NID2: variants seen among roughly 807,000 people sequenced by gnomAD.
NID2 encodes the protein nidogen-2.
Under a neutral mutation model 145.4 loss-of-function variants are expected in NID2, and 83 were observed. That is an observed-to-expected ratio of 0.57 (90% CI 0.48 to 0.69). The LOEUF is 0.69. NID2 is among the 30% of genes least tolerant of loss of function. The pLI, the probability that NID2 is intolerant of heterozygous loss-of-function variation, is 0.00. For synonymous variants in NID2, 739 were observed against 701.3 expected (o/e 1.05, Z -0.85); for missense variants, 1,807 against 1,765.7 (o/e 1.02, Z -0.42).
rs759841706 is a variant in NID2, at chr14:52,038,798, C to T, written c.2206G>A (p.Glu736Lys). The T allele has an allele frequency of 5.6e-6, 9 of 1,610,038 alleles. No homozygotes were observed. The highest frequency in any genetic ancestry group is 4.0e-5 in the African/African-American group (3 of 74,720). Residue 736 changes from glutamate (E) to lysine (K), a missense_variant, in exon 9 of 22, where the codon GAA (glutamate) becomes AAA (lysine). Transcript: ENST00000216286. ...VDRVFALYND[E>K]ERVLRFAVTN... The stretch of plus-strand genomic sequence containing the variant: ...ACAGCAAATCTAAGCACTCTTTCTT[C>T]GTCATTATACAAGGCAAAGACCCGG...
intron 5 of NID2, among the ~76,000 whole-genome samples, chr14:52,043,514 A>G (rs1202982512): frequency 6.6e-6 from 1 of 152,204 alleles, no homozygotes; most frequent in African/African-American, 2.4e-5. Context: ...ACAGGGATTC[A>G]AGCTATTAAA....
At chr14:52,007,991 T>C (rs755053715) in intron 18 of NID2, 24 bp from the exon 19 acceptor site, 1 of 1,587,792 alleles carries the variant, frequency 6.3e-7, no homozygotes, top group East Asian at 2.2e-5. Context: ...ATCAAGATTG[T>C]AAAAGAATAG....
In NID2 at chr14:52,053,856, C is replaced by T. The variant is rs1892760010; in HGVS notation, c.1152G>A (p.Glu384=). 1 of 1,614,166 alleles carries T rather than the reference C, an allele frequency of 6.2e-7. No homozygotes were observed. Among genetic ancestry groups the T allele is most frequent in the Admixed American group, 1.7e-5 (1 of 60,022 alleles). ...TTCTGGTCTCTCTCTCATCCCAGGG[C>T]TCAACTTGGCCTTTTAAATCTGGGC... ...VGGPDLKGQV[E]PWDERETRSP... The change falls in exon 5 of 22, where the codon GAG becomes GAA. Residue 384 remains glutamate (E), a synonymous_variant. Transcript: ENST00000216286.
At chr14:52,028,530 C>T (rs768923452) in intron 11 of NID2, 192 bp downstream of exon 11, 3 of 503,804 alleles carry the variant, frequency 6.0e-6, no homozygotes, top group Non-Finnish European at 6.6e-6. Context: ...CCTGCCTCAG[C>T]CTTCCAAAGC....
intron 16 of NID2, among the ~76,000 whole-genome samples, chr14:52,012,629 T>C (rs1429742288): frequency 6.6e-6 from 1 of 152,122 alleles, no homozygotes; most frequent in East Asian, 1.9e-4. Flanking sequence ...ATTTATTGGG[T>C]TAAGGAACTA....
At position 52,042,192 on chromosome 14, in the gene NID2, G is replaced by C; in HGVS notation, c.1738C>G (p.Leu580Val). The C allele has an allele frequency of 6.2e-7, 1 of 1,614,242 alleles. No homozygotes were observed. The highest frequency in any genetic ancestry group is 8.5e-7 in the Non-Finnish European group (1 of 1,180,042). Residue 580 changes from leucine to valine, a missense_variant, in exon 7 of 22, where the codon CTC becomes GTC. Physicochemically the swap from Leu to Val is conservative, Grantham distance 32 (BLOSUM62 1). Coordinates refer to ENST00000216286, the MANE Select transcript of NID2 (RefSeq NM_007361.4). ...SHIPQPAAQA[L>V]LPLTPIGGLF... ...CCTCCAATTGGTGTGAGGGGGAGGA[G>C]GGCCTGGGCTGCTGGCTGTGGGATG...
intron 11 of NID2, among the ~76,000 whole-genome samples, chr14:52,028,075 T>C (rs1209187338): frequency 6.6e-6 from 1 of 152,150 alleles, no homozygotes; most frequent in Non-Finnish European, 1.5e-5. Context: ...CTCTTCTAAT[T>C]TGAAAAATAC....
Position 52,038,735 on chromosome 14 carries a change from A to G in NID2, c.2257+12T>C. On this transcript the variant is annotated intron_variant, in intron 9 of 21. Transcript: ENST00000216286. The stretch of plus-strand genomic sequence containing the variant: ...TGTCATTTTTACCCAACAACAAAAA[A>G]GGAAACCTTACCTTTGACCGGGCCA... 1 of 1,539,016 alleles carries G rather than the reference A, an allele frequency of 6.5e-7. No individual in the cohort carries two copies. Among genetic ancestry groups the G allele is most frequent in the Admixed American group, 2.1e-5 (1 of 47,306 alleles).
At chr14:52,061,132 A>C (rs1893010310) in intron 2 of NID2, among the ~76,000 whole-genome samples, 1 of 152,152 alleles carries the variant, frequency 6.6e-6, no homozygotes, top group South Asian at 2.1e-4. Flanking sequence ...TCTTTGTCAG[A>C]CTATTTAATA....
chr14:52,046,665 T>C (rs1892508164), intron 5 of NID2, among the ~76,000 whole-genome samples: 1 of 152,248 alleles, frequency 6.6e-6, no homozygotes, highest in South Asian at 2.1e-4. Flanking sequence ...ACTACATTTT[T>C]CTATTACAGA....
chr14:52,022,417 G>C (rs1268554621), intron 12 of NID2, among the ~76,000 whole-genome samples: 1 of 152,176 alleles, frequency 6.6e-6, no homozygotes, highest in Non-Finnish European at 1.5e-5. Context: ...CTCACACCAT[G>C]ATAGAGACTA....
At chr14:52,026,280 G>A (rs753270863) in intron 12 of NID2, among the ~76,000 whole-genome samples, 5 of 152,356 alleles carry the variant, frequency 3.3e-5, no homozygotes, top group Non-Finnish European at 7.4e-5. Context: ...TTGCAAAGCT[G>A]TTCTTAGCAC....
In NID2 at chr14:52,060,363, G is replaced by T; in HGVS notation, c.535-7C>A. 6 of 1,032,030 alleles carry T rather than the reference G, an allele frequency of 5.8e-6. No individual in the cohort carries two copies. Among genetic ancestry groups the T allele is most frequent in the African/African-American group, 2.0e-5 (1 of 50,368 alleles). The allele number at this position is 1,032,030 out of a possible 1,614,324, so 63.9% of individuals were successfully genotyped here. On this transcript the variant is annotated splice_region_variant and splice_polypyrimidine_tract_variant and intron_variant, in intron 2 of 21. Coordinates refer to ENST00000216286, the MANE Select transcript of NID2 (RefSeq NM_007361.4). ...CTGCCTGGAAAGTGTTCAGCTGTGA[G>T]GAAAAAAAAAAAAAAAGAGAGAGAG...
In NID2 at chr14:52,015,133, C is replaced by G. The variant is rs751334863; in HGVS notation, c.3171G>C (p.Lys1057Asn). Reference sequence around the variant, plus strand: ...TGTCCACACACCAGCAGAAGTCGCTCTTTCCGTGGCACTGCAGGGGGATGA... The same window carrying G: ...TGTCCACACACCAGCAGAAGTCGCTGTTTCCGTGGCACTGCAGGGGGATGA... ...GHFIPLQCHG[K>N]SDFCWCVDKD... Residue 1057 changes from lysine to asparagine, a missense_variant, in exon 15 of 22, where the codon AAG becomes AAC. Physicochemically the swap from Lys to Asn is moderately conservative, Grantham distance 94. Transcript: ENST00000216286. 1 of 1,614,154 alleles carries G rather than the reference C, an allele frequency of 6.2e-7. No homozygotes were observed. Among genetic ancestry groups the G allele is most frequent in the South Asian group, 1.1e-5 (1 of 91,088 alleles).
At position 52,007,979 on chromosome 14, in the gene NID2, A is replaced by G; in HGVS notation, c.3723-12T>C. 6.3e-7 allele frequency: 1 copy of G among 1,591,078 alleles called. No homozygotes were observed. Among genetic ancestry groups the G allele is most frequent in the Non-Finnish European group, 8.5e-7 (1 of 1,171,060 alleles). On this transcript the variant is annotated splice_polypyrimidine_tract_variant and intron_variant, in intron 18 of 21. Coordinates refer to ENST00000216286, the MANE Select transcript of NID2 (RefSeq NM_007361.4). The stretch of plus-strand genomic sequence containing the variant: ...TCCAGTACAAGTTGCTGTAAGTTAA[A>G]AATCAAGATTGTAAAAGAATAGCCA...
At chr14:52,022,029 C>T (rs1891417021) in intron 12 of NID2, among the ~76,000 whole-genome samples, 1 of 152,190 alleles carries the variant, frequency 6.6e-6, no homozygotes, top group African/African-American at 2.4e-5. Context: ...CTAATGGTAA[C>T]AGGAACCCCA....
intron 11 of NID2, 26 bp downstream of exon 11, chr14:52,028,696 C>A: frequency 6.2e-7 from 1 of 1,607,924 alleles, no homozygotes; most frequent in Non-Finnish European, 8.5e-7. Context: ...ATTTTGGCCA[C>A]ACAGGAAAAT....
At chr14:52,033,992 A>T (rs1177083292) in intron 9 of NID2, among the ~76,000 whole-genome samples, 2 of 152,174 alleles carry the variant, frequency 1.3e-5, no homozygotes, top group African/African-American at 4.8e-5. Context: ...CATCATCTGT[A>T]AAATGGGATA....
rs920126110 is a variant in NID2, at chr14:52,040,776, T to G, written c.1901A>C (p.Glu634Ala). Reference sequence around the variant, plus strand: ...CAGGTAGTTCTCTGGGTCAAGTCCCTCAGCAGTTTGAGTGATACGAACCGT... The same window carrying G: ...CAGGTAGTTCTCTGGGTCAAGTCCCGCAGCAGTTTGAGTGATACGAACCGT... ...EETVRITQTA[E>A]GLDPENYLSI... The change falls in exon 8 of 22, where the codon GAG becomes GCG. Residue 634 changes from glutamate to alanine, a missense_variant. By Grantham distance (107) the Glu-to-Ala change is moderately radical. Coordinates refer to ENST00000216286, the MANE Select transcript of NID2 (RefSeq NM_007361.4). 7 of 1,614,100 alleles carry G rather than the reference T, an allele frequency of 4.3e-6. No homozygotes were observed. The highest frequency in any genetic ancestry group is 5.1e-6 in the Non-Finnish European group (6 of 1,180,044).
Sources: gnomAD v4.1 joint callset for allele counts (sites outside exome capture counted in the v4.1 genomes callset) on GRCh38, gnomAD v4.1.1 for gene constraint, MANE v1.5 for transcripts, NCBI Gene and HGNC (gene_info 2026-07-23, HGNC 2026-07-21) for gene names.